The following SKI variants were observed in gnomAD, a reference collection of about 807,000 sequenced individuals.
SKI encodes ski oncogene.
A neutral mutation model predicts 59.3 loss-of-function variants in SKI; 23 were observed. The observed-to-expected ratio is 0.39, with a 90% CI of 0.28 to 0.55. The LOEUF is 0.55. Ranked by LOEUF, SKI falls within the 20% of genes least tolerant of loss-of-function variation. The pLI, the probability that SKI is intolerant of heterozygous loss-of-function variation, is 0.67. For missense variants in SKI, 1,017 were observed against 1,038.9 expected (o/e 0.98, Z 0.29); for synonymous variants, 673 against 488.6 (o/e 1.38, Z -4.98).
chr1:2,279,419 G>T (rs995206708), intron 1 of SKI, among the ~76,000 whole-genome samples: 1 of 152,214 alleles, frequency 6.6e-6, no homozygotes, highest in African/African-American at 2.4e-5. Context: ...TTGTGTGTGT[G>T]GTGGGGCCTG....
chr1:2,301,040 G>C (rs984264851), intron 1 of SKI, among the ~76,000 whole-genome samples: 1 of 152,196 alleles, frequency 6.6e-6, no homozygotes, highest in Non-Finnish European at 1.5e-5. Flanking sequence ...CGGAGTCAGC[G>C]CCGGCTGTTG....
At chr1:2,230,479 C>G (rs1031383070) in intron 1 of SKI, among the ~76,000 whole-genome samples, 6 of 152,148 alleles carry the variant, frequency 3.9e-5, no homozygotes, top group Admixed American at 6.5e-5. Flanking sequence ...GGCTCCTGGG[C>G]CCGCGTGCTG....
chr1:2,241,463 G>A (rs1638871009), intron 1 of SKI, among the ~76,000 whole-genome samples: 1 of 152,010 alleles, frequency 6.6e-6, no homozygotes, highest in Non-Finnish European at 1.5e-5. Flanking sequence ...TGCGATCTCC[G>A]CTCACTGCAA....
chr1:2,246,269 A>G (rs1431725878), intron 1 of SKI, among the ~76,000 whole-genome samples: 2 of 151,882 alleles, frequency 1.3e-5, no homozygotes, highest in South Asian at 2.1e-4. Flanking sequence ...TTTGGTTCTC[A>G]TTTCCCTGAT....
rs541952020 is a variant in SKI at position 2,246,512 on chromosome 1, C to T, written c.969+16777C>T. On this transcript the variant is annotated intron_variant, in intron 1 of 6. Transcript: ENST00000378536. ...TCTGTTGCTGGAGGCTGCCTCTGTC[C>T]TCTGCTGTGGTGGTCAGGAAGCTGG... Among the ~76,000 whole-genome samples, 3 of 152,244 alleles carry T rather than the reference C, an allele frequency of 2.0e-5. No individual in the cohort carries two copies. The East Asian group carries it at 5.8e-4, about 29-fold the overall frequency.
chr1:2,307,549 C>G lies in SKI; in HGVS notation c.*784C>G, dbSNP rs371064577. 6.6e-6 allele frequency: 1 copy of G among 152,412 alleles called. No homozygotes were observed. Among genetic ancestry groups the G allele is most frequent in the African/African-American group, 2.4e-5 (1 of 41,460 alleles). 9.4% of individuals were successfully genotyped at this position (152,412 alleles called of 1,614,324 possible). Reference sequence around the variant, plus strand: ...GCACTGACCTGCGTCGGGTGGTGACCGTGGCTGGCGGTCACGCCCTCAGCC... The same window carrying G: ...GCACTGACCTGCGTCGGGTGGTGACGGTGGCTGGCGGTCACGCCCTCAGCC... On this transcript the variant is annotated 3_prime_UTR_variant, in exon 7 of 7. Coordinates refer to ENST00000378536, the MANE Select transcript of SKI (RefSeq NM_003036.4).
At chr1:2,282,969 C>T (rs1639942691) in intron 1 of SKI, among the ~76,000 whole-genome samples, 1 of 152,238 alleles carries the variant, frequency 6.6e-6, no homozygotes, top group Admixed American at 6.5e-5. Context: ...ACCTGGCCCG[C>T]TTCCCTTGCC....
chr1:2,305,974 G>A lies in SKI; in HGVS notation c.1768-46G>A, dbSNP rs747141182. 4.9e-6 allele frequency: 7 copies of A among 1,415,460 alleles called. No homozygotes were observed. The Admixed American group carries it at 1.2e-4, about 24-fold the overall frequency. 87.7% of individuals were successfully genotyped at this position (1,415,460 alleles called of 1,614,324 possible). On this transcript the variant is annotated intron_variant, in intron 5 of 6. Transcript: ENST00000378536. Reference sequence around the variant, plus strand: ...GACTGCTGGTCATGGTGAGGGGTGTGCTGGGACCGGCTGGGCAGTGACCCC... The same window carrying A: ...GACTGCTGGTCATGGTGAGGGGTGTACTGGGACCGGCTGGGCAGTGACCCC...
intron 1 of SKI, among the ~76,000 whole-genome samples, chr1:2,276,165 G>A (rs767295573): frequency 3.9e-5 from 6 of 152,090 alleles, no homozygotes; most frequent in Non-Finnish European, 8.8e-5. Context: ...TCCCATTCAC[G>A]CAGCCACATT....
At position 2,303,905 on chromosome 1, in the gene SKI, A is replaced by T; in HGVS notation, c.1277A>T (p.Gln426Leu). The T allele has an allele frequency of 6.2e-7, 1 of 1,612,314 alleles. No individual in the cohort carries two copies. The highest frequency in any genetic ancestry group is 8.5e-7 in the Non-Finnish European group (1 of 1,179,796). ...APNVALAPPA[Q>L]QKVVSSPPCA... ...AACGTGGCCCTCGCACCGCCGGCCC[A>T]GCAGAAGGTTGTGAGCAGCCCTCCG... Residue 426 changes from glutamine (Q) to leucine (L), a missense_variant, in exon 4 of 7, where the codon CAG becomes CTG. Transcript: ENST00000378536. This position sits in a 1 kb window ranked among gnomAD's most constrained non-coding sequence, Gnocchi z 5.6.
chr1:2,303,306 C>T lies in SKI; in HGVS notation c.1117C>T (p.Arg373Cys), dbSNP rs749507746. The T allele has an allele frequency of 2.0e-5, 33 of 1,613,666 alleles. No individual in the cohort carries two copies. Among genetic ancestry groups the T allele is most frequent in the East Asian group, 6.7e-5 (3 of 44,886 alleles). ...ACAGAGCCTGGGCTGTGTTCACCCT[C>T]GCCAGCGCCTCTCTGCTTTCCGACC... Reference protein sequence around the residue: ...SNKSLGCVHPRQRLSAFRPWS... With the variant: ...SNKSLGCVHPCQRLSAFRPWS... The change falls in exon 3 of 7, where the codon CGC (arginine) becomes TGC (cysteine). Residue 373 changes from arginine (R) to cysteine (C), a missense_variant. Coordinates refer to ENST00000378536, the MANE Select transcript of SKI (RefSeq NM_003036.4). The surrounding 1 kb of genome is among the most constrained non-coding windows in gnomAD (Gnocchi z 5.6).
At chr1:2,306,465 C>G (rs898316641) in intron 6 of SKI, 112 bp from the exon 7 acceptor site, 1 of 1,174,018 alleles carries the variant, frequency 8.5e-7, no homozygotes, top group Admixed American at 2.3e-5. Flanking sequence ...GGGGCCGGCA[C>G]GCGGCACTGG....
intron 1 of SKI, among the ~76,000 whole-genome samples, chr1:2,234,628 G>A (rs562986057): frequency 6.6e-6 from 1 of 152,238 alleles, no homozygotes; most frequent in African/African-American, 2.4e-5. Context: ...CGGTGGTTCC[G>A]GGGCCTGGGC....
rs988023964 is a variant in SKI, at chr1:2,303,036, C to A, written c.1028C>A (p.Ser343Tyr). ...RPKTDDTSSQ[S>Y]PAPSEKDKPS... ...AAAACAGATGACACCTCTTCCCAGT[C>A]CCCCGCGCCTTCCGAAAAGGACAAG... The change falls in exon 2 of 7, where the codon TCC becomes TAC. Residue 343 changes from serine (S) to tyrosine (Y), a missense_variant. By Grantham distance (144) the Ser-to-Tyr change is moderately radical. Coordinates refer to ENST00000378536, the MANE Select transcript of SKI (RefSeq NM_003036.4). This position sits in a 1 kb window ranked among gnomAD's most constrained non-coding sequence, Gnocchi z 5.6. 1 of 1,613,742 alleles carries A rather than the reference C, an allele frequency of 6.2e-7. No homozygotes were observed. The highest frequency in any genetic ancestry group is 1.1e-5 in the South Asian group (1 of 91,086).
rs895482268 is a variant in SKI at position 2,307,997 on chromosome 1, T to C, written c.*1232T>C. ...ATCTGTCTTCAGTAGCGACTGAATC[T>C]GCCACTCTCAGAATAAGTTCCTTGC... On this transcript the variant is annotated 3_prime_UTR_variant, in exon 7 of 7. Transcript: ENST00000378536. The C allele has an allele frequency of 1.3e-5, 2 of 152,508 alleles. No individual in the cohort carries two copies. The highest frequency in any genetic ancestry group is 4.8e-5 in the African/African-American group (2 of 41,456). 9.4% of individuals were successfully genotyped at this position (152,508 alleles called of 1,614,324 possible). A position where few individuals can be genotyped will look rare whatever the true frequency, so the allele number is the denominator to read the frequency against.
chr1:2,290,018 G>T (rs1225311628), intron 1 of SKI, among the ~76,000 whole-genome samples: 1 of 152,180 alleles, frequency 6.6e-6, no homozygotes, highest in Non-Finnish European at 1.5e-5. Context: ...GTCTTAGGAT[G>T]GCTGTTTGTG....
intron 1 of SKI, chr1:2,240,634 C>G: frequency 2.0e-6 from 2 of 985,432 alleles, no homozygotes; most frequent in Admixed American, 6.1e-5. Flanking sequence ...AGTAACCATA[C>G]AGCATTAACA....
chr1:2,297,041 G>A (rs1014215625), intron 1 of SKI, among the ~76,000 whole-genome samples: 5 of 151,950 alleles, frequency 3.3e-5, no homozygotes, highest in African/African-American at 1.2e-4. Context: ...CCAGGCACCC[G>A]CACAGGCTCT....
chr1:2,270,709 G>A lies in SKI; in HGVS notation c.970-32269G>A, dbSNP rs35797206. On this transcript the variant is annotated intron_variant, in intron 1 of 6. Transcript: ENST00000378536. The surrounding 1 kb of genome is among the most constrained non-coding windows in gnomAD (Gnocchi z 4.1). ...GGGCTGGAGGTGGGGCGGGAGCAGA[G>A]ACTGGACCTGGCCAGCCCCTCCCGC... 0.2 allele frequency among the ~76,000 whole-genome samples: 30,314 copies of A among 152,198 alleles called. 3,243 individuals carry two copies. The highest frequency in any genetic ancestry group is 0.27 in the Middle Eastern group (80 of 294).
Sources: gnomAD v4.1 joint callset for allele counts (sites outside exome capture counted in the v4.1 genomes callset) on GRCh38, gnomAD v4.1.1 for gene constraint, Gnocchi (gnomAD v3.1) non-coding constraint, MANE v1.5 for transcripts, NCBI Gene and HGNC (gene_info 2026-07-23, HGNC 2026-07-21) for gene names.